CAND1: variants seen among roughly 807,000 people sequenced by gnomAD.
CAND1 encodes cullin-associated NEDD8-dissociated protein 1.
CAND1 carries 7 observed loss-of-function variants against 108.5 expected under a neutral mutation model. That is an observed-to-expected ratio of 0.06 (90% CI 0.04 to 0.12). CAND1 has a LOEUF of 0.12. Ranked by LOEUF, CAND1 falls within the 10% of genes least tolerant of loss-of-function variation. CAND1 has a pLI of 1.00. For missense variants in CAND1, 941 were observed against 1,448.7 expected (o/e 0.65, Z 5.69); for synonymous variants, 534 against 512.0 (o/e 1.04, Z -0.58).
At chr12:67,283,268 T>A (rs1215129537) in intron 2 of CAND1, among the ~76,000 whole-genome samples, 1 of 152,124 alleles carries the variant, frequency 6.6e-6, no homozygotes, top group African/African-American at 2.4e-5. Flanking sequence ...ATTTGCAAGT[T>A]TAAAATAAAA....
chr12:67,300,265 C>T (rs1230697943), intron 7 of CAND1, among the ~76,000 whole-genome samples: 1 of 82,528 alleles, frequency 1.2e-5, no homozygotes, highest in African/African-American at 6.1e-5. Context: ...TATCCCAAGG[C>T]TCAGTCCTTG....
chr12:67,278,115 C>G (rs1285877486), intron 1 of CAND1, among the ~76,000 whole-genome samples: 1 of 152,116 alleles, frequency 6.6e-6, no homozygotes, highest in Non-Finnish European at 1.5e-5. Flanking sequence ...CTAACTTCCT[C>G]CTGCTTCACC....
At position 67,304,637 on chromosome 12, in the gene CAND1, G is replaced by A. The variant is rs1196880487; in HGVS notation, c.1326G>A (p.Gln442=). The A allele has an allele frequency of 2.3e-5, 37 of 1,613,778 alleles. No individual in the cohort carries two copies. Among genetic ancestry groups the A allele is most frequent in the Non-Finnish European group, 2.9e-5 (34 of 1,179,890 alleles). Residue 442 remains glutamine (Q), a synonymous_variant, in exon 9 of 15, where the codon CAG becomes CAA. Coordinates refer to ENST00000545606, the MANE Select transcript of CAND1 (RefSeq NM_018448.5). ...VPNIVKALHK[Q]MKEKSVKTRQ... ...ACATTGTTAAAGCTCTTCACAAACA[G>A]ATGAAAGAAAAAAGTGTGAAGACCC...
At chr12:67,287,706 AT>A (rs552615697) in intron 2 of CAND1, among the ~76,000 whole-genome samples, 1 of 151,710 alleles carries the variant, frequency 6.6e-6, no homozygotes, top group Non-Finnish European at 1.5e-5. Context: ...TGTTTCATTG[AT>A]TTTTTCTGTG....
At chr12:67,304,562 A>G (rs745735154) in intron 8 of CAND1, 43 bp from the exon 9 acceptor site, 21 of 1,598,480 alleles carry the variant, frequency 1.3e-5, no homozygotes, top group Non-Finnish European at 1.7e-5. Context: ...TACTGAGGAA[A>G]TACCAACAGC....
intron 1 of CAND1, 78 bp downstream of exon 1, chr12:67,269,863 CA>C (rs2044500886): frequency 7.8e-7 from 1 of 1,279,990 alleles, no homozygotes; most frequent in Non-Finnish European, 1.1e-6. Context: ...GGCCTTGCCC[CA>C]CCCCTTCGGC....
Position 67,273,423 on chromosome 12 carries a change from C to T in CAND1, c.68+3638C>T, listed in dbSNP as rs1152903. 6.7e-3 allele frequency among the ~76,000 whole-genome samples: 1,024 copies of T among 151,768 alleles called. 7 individuals carry two copies. Among genetic ancestry groups the T allele is most frequent in the African/African-American group, 0.024 (974 of 41,360 alleles). On this transcript the variant is annotated intron_variant, in intron 1 of 14. Transcript: ENST00000545606. ...TAATGTGGATGAACCATGTGACACT[C>T]CATTTGTGAATATTAATATTGAATA...
At position 67,274,978 on chromosome 12, in the gene CAND1, G is replaced by A. The variant is rs183695450; in HGVS notation, c.68+5193G>A. Among the ~76,000 whole-genome samples the A allele has an allele frequency of 9.9e-5, 15 of 152,242 alleles. No individual in the cohort carries two copies. The East Asian group carries it at 2.9e-3, about 29-fold the overall frequency. On this transcript the variant is annotated intron_variant, in intron 1 of 14. Transcript: ENST00000545606. ...AAGTACTTGTGCTTGGAGAAAAGCA[G>A]GTTTAATCAGAAGAAATAGATTTGC...
At position 67,319,212 on chromosome 12, in the gene CAND1, C is replaced by T. The variant is rs2045037001; in HGVS notation, c.*6382C>T. Reference sequence around the variant, plus strand: ...CTTTGCACTACATCCTTCACTGTCTCTCTTTTGCCCATAGGATAAGTACAA... The same window carrying T: ...CTTTGCACTACATCCTTCACTGTCTTTCTTTTGCCCATAGGATAAGTACAA... On this transcript the variant is annotated 3_prime_UTR_variant, in exon 15 of 15. Coordinates refer to ENST00000545606, the MANE Select transcript of CAND1 (RefSeq NM_018448.5). 6.6e-6 allele frequency: 1 copy of T among 152,236 alleles called. No homozygotes were observed. Among genetic ancestry groups the T allele is most frequent in the Non-Finnish European group, 1.5e-5 (1 of 68,064 alleles). 9.4% of individuals were successfully genotyped at this position (152,236 alleles called of 1,614,324 possible). A position where few individuals can be genotyped will look rare whatever the true frequency, so the allele number is the denominator to read the frequency against.
intron 2 of CAND1, among the ~76,000 whole-genome samples, chr12:67,290,650 A>G (rs1250588520): frequency 2.6e-5 from 4 of 152,190 alleles, no homozygotes; most frequent in African/African-American, 7.2e-5. Context: ...TTTCATAAAT[A>G]GTTATGGAGT....
chr12:67,301,709 T>C (rs1224045445), intron 7 of CAND1, among the ~76,000 whole-genome samples: 4 of 152,166 alleles, frequency 2.6e-5, no homozygotes, highest in Non-Finnish European at 5.9e-5. Context: ...TAAGACAAAA[T>C]TGTGAAAGGT....
rs758709498 is a variant in CAND1, at chr12:67,282,062, T to C, written c.212+9T>C. 3 of 1,610,920 alleles carry C rather than the reference T, an allele frequency of 1.9e-6. No homozygotes were observed. The highest frequency in any genetic ancestry group is 3.4e-5 in the Admixed American group (2 of 59,250). On this transcript the variant is annotated intron_variant, in intron 2 of 14. Transcript: ENST00000545606. ...AATTTAGCTGTCAAATGGTAAGTTGTTTTTTACTGGTTGAGTCTTTCTTCC... is the reference window on the plus strand; with the variant it reads ...AATTTAGCTGTCAAATGGTAAGTTGCTTTTTACTGGTTGAGTCTTTCTTCC...
chr12:67,305,875 A>G lies in CAND1; in HGVS notation c.2207A>G (p.Asn736Ser), dbSNP rs200159113. 63 of 1,614,170 alleles carry G rather than the reference A, an allele frequency of 3.9e-5. 1 individual carries two copies. In the African/African-American group the frequency reaches 7.6e-4, roughly 19 times the overall value. The change falls in exon 10 of 15, where the codon AAT becomes AGT. Residue 736 changes from asparagine to serine, a missense_variant. Around this residue, in one of 9 missense-constraint regions of CAND1, gnomAD observed 697 missense variants for 942.0 expected, o/e 0.74. Transcript: ENST00000545606. This position sits in a 1 kb window ranked among gnomAD's most constrained non-coding sequence, Gnocchi z 4.4. ...SLSKISGSIL[N>S]ELIGLVRSPL... ...TCAAAGATAAGTGGATCCATTCTCA[A>G]TGAACTTATTGGACTTGTGAGATCA...
chr12:67,281,452 T>C (rs996527037), intron 1 of CAND1, among the ~76,000 whole-genome samples: 2 of 152,222 alleles, frequency 1.3e-5, no homozygotes, highest in Admixed American at 6.5e-5. Context: ...GTGTTCTTAA[T>C]GTTTGGAAGG....
chr12:67,288,866 G>T (rs2044697084), intron 2 of CAND1, among the ~76,000 whole-genome samples: 1 of 152,184 alleles, frequency 6.6e-6, no homozygotes, highest in African/African-American at 2.4e-5. Flanking sequence ...GTGAAGTTTG[G>T]TCAGAGAGTC....
chr12:67,275,978 C>G (rs1387399323), intron 1 of CAND1, among the ~76,000 whole-genome samples: 1 of 152,084 alleles, frequency 6.6e-6, no homozygotes, highest in Admixed American at 6.6e-5. Flanking sequence ...CTTATTTTGG[C>G]CTGTTAAATT....
intron 1 of CAND1, among the ~76,000 whole-genome samples, chr12:67,276,162 C>G (rs2135990082): frequency 6.6e-6 from 1 of 152,290 alleles, no homozygotes; most frequent in East Asian, 1.9e-4. Flanking sequence ...TGCAGCTGAT[C>G]ATTGCCTCCC....
intron 2 of CAND1, among the ~76,000 whole-genome samples, chr12:67,290,643 C>T (rs2044713916): frequency 6.6e-6 from 1 of 152,130 alleles, no homozygotes. Flanking sequence ...GCCTTCATTT[C>T]ATAAATAGTT....
At chr12:67,271,213 T>C (rs2044517618) in intron 1 of CAND1, among the ~76,000 whole-genome samples, 1 of 152,226 alleles carries the variant, frequency 6.6e-6, no homozygotes, top group Non-Finnish European at 1.5e-5. Flanking sequence ...TGTTTTAGAT[T>C]TGTGTAGTTC....
Sources: allele counts gnomAD v4.1 joint callset (sites outside exome capture counted in the v4.1 genomes callset), GRCh38; gene constraint gnomAD v4.1.1; regional missense constraint gnomAD v4.1.1; non-coding constraint Gnocchi (gnomAD v3.1); transcripts MANE v1.5; gene names NCBI Gene and HGNC (gene_info 2026-07-23, HGNC 2026-07-21).